The following GALNT17 variants were observed in gnomAD, a reference collection of about 807,000 sequenced individuals.
The protein encoded by GALNT17 is polypeptide N-acetylgalactosaminyltransferase 17, also known as UDP-GalNAc:polypeptide N-acetylgalactosaminyltransferase-like 3.
A neutral mutation model predicts 63.7 loss-of-function variants in GALNT17; 29 were observed. The ratio of observed to expected loss-of-function variants is 0.46; its 90% CI spans 0.34 to 0.62. GALNT17 has a LOEUF of 0.62. Ranked by LOEUF, GALNT17 falls within the 20% of genes least tolerant of loss-of-function variation. GALNT17 has a pLI of 0.01. For synonymous variants in GALNT17, 305 were observed against 318.3 expected (o/e 0.96, Z 0.45); for missense variants, 603 against 799.6 (o/e 0.75, Z 2.97).
At chr7:71,532,031 A>G (rs925328258) in intron 5 of GALNT17, among the ~76,000 whole-genome samples, 9 of 152,184 alleles carry the variant, frequency 5.9e-5, no homozygotes, top group Non-Finnish European at 1.0e-4. Context: ...TGCTCAGTGC[A>G]TGGGGAAGCC....
At chr7:71,409,897 G>A (rs1455281651) in intron 3 of GALNT17, among the ~76,000 whole-genome samples, 1 of 152,150 alleles carries the variant, frequency 6.6e-6, no homozygotes, top group Admixed American at 6.5e-5. Flanking sequence ...GAGAATCAAG[G>A]TCATTCATTG....
At chr7:71,274,530 A>C (rs73370031) in intron 1 of GALNT17, among the ~76,000 whole-genome samples, 9,069 of 152,180 alleles carry the variant, frequency 0.06, 927 homozygotes, top group African/African-American at 0.21. Flanking sequence ...TCCTTCTTCC[A>C]CGGCCTCCAA....
At chr7:71,512,601 G>A (rs1416985684) in intron 5 of GALNT17, among the ~76,000 whole-genome samples, 1 of 152,168 alleles carries the variant, frequency 6.6e-6, no homozygotes, top group Non-Finnish European at 1.5e-5. Context: ...CTGCTCTGAT[G>A]CCCCTTCAGA....
chr7:71,335,652 C>T lies in GALNT17; in HGVS notation c.341C>T (p.Pro114Leu). Residue 114 changes from proline to leucine, a missense_variant, in exon 2 of 11, where the codon CCC (proline) becomes CTC (leucine). This residue lies in a region of GALNT17 where 195 missense variants were observed against 215.0 expected (regional missense o/e 0.91). Coordinates refer to ENST00000333538, the MANE Select transcript of GALNT17 (RefSeq NM_022479.3). Reference protein sequence around the residue: ...SPAEEEKAKGPHEKYGYNSYL... With the variant: ...SPAEEEKAKGLHEKYGYNSYL... Reference sequence around the variant, plus strand: ...GCTGAAGAAGAAAAGGCTAAGGGACCCCATGAGAAGTATGGCTACAATTCA... The same window carrying T: ...GCTGAAGAAGAAAAGGCTAAGGGACTCCATGAGAAGTATGGCTACAATTCA... 1 of 1,613,554 alleles carries T rather than the reference C, an allele frequency of 6.2e-7. No individual in the cohort carries two copies.
chr7:71,645,195 A>G (rs911640976), intron 6 of GALNT17, among the ~76,000 whole-genome samples: 8 of 152,208 alleles, frequency 5.3e-5, no homozygotes, highest in Admixed American at 2.0e-4. Context: ...GCTGACACCA[A>G]CTTTCTCCAG....
chr7:71,264,806 A>G (rs1041758141), intron 1 of GALNT17, among the ~76,000 whole-genome samples: 1 of 151,986 alleles, frequency 6.6e-6, no homozygotes, highest in East Asian at 1.9e-4. Flanking sequence ...GAGTGAAGCG[A>G]TAGATACCAG....
chr7:71,381,986 T>G (rs951752761), intron 2 of GALNT17, among the ~76,000 whole-genome samples: 4 of 152,032 alleles, frequency 2.6e-5, no homozygotes, highest in African/African-American at 9.7e-5. Context: ...ACAGGAGAAC[T>G]GTGGGGTTGG....
At chr7:71,224,192 C>T (rs1490994435) in intron 1 of GALNT17, among the ~76,000 whole-genome samples, 1 of 152,086 alleles carries the variant, frequency 6.6e-6, no homozygotes, top group Non-Finnish European at 1.5e-5. Context: ...GTAGGGTAGT[C>T]ATATGCCACC....
At chr7:71,372,766 A>C (rs952911073) in intron 2 of GALNT17, among the ~76,000 whole-genome samples, 6 of 152,208 alleles carry the variant, frequency 3.9e-5, no homozygotes, top group Admixed American at 2.0e-4. Context: ...TAATTATATT[A>C]GCTTTATATT....
chr7:71,501,915 C>G (rs968041909), intron 5 of GALNT17, among the ~76,000 whole-genome samples: 1 of 151,888 alleles, frequency 6.6e-6, no homozygotes, highest in Non-Finnish European at 1.5e-5. Flanking sequence ...GATTACCATC[C>G]TCCCCTTCTT....
chr7:71,699,655 T>C (rs922725975), intron 9 of GALNT17, among the ~76,000 whole-genome samples: 4 of 152,108 alleles, frequency 2.6e-5, no homozygotes, highest in African/African-American at 9.7e-5. Flanking sequence ...GAATGCGGCC[T>C]GGACACAGTG....
chr7:71,259,578 G>A (rs894468191), intron 1 of GALNT17, among the ~76,000 whole-genome samples: 1 of 151,674 alleles, frequency 6.6e-6, no homozygotes, highest in African/African-American at 2.4e-5. Context: ...GGGGACATAA[G>A]CCAATGGAAG....
chr7:71,325,770 G>T (rs1011936876), intron 1 of GALNT17, among the ~76,000 whole-genome samples: 1 of 152,280 alleles, frequency 6.6e-6, no homozygotes, highest in South Asian at 2.1e-4. Context: ...TCTGGGTTCT[G>T]TGTGAGATGG....
chr7:71,654,679 GTGGTGAAATCT>G lies in GALNT17; in HGVS notation c.1081-10730_1081-10720del, dbSNP rs1177019104. Among the ~76,000 whole-genome samples the G allele has an allele frequency of 8.4e-5, 9 of 107,134 alleles. No individual in the cohort carries two copies. The South Asian group carries it at 2.8e-3, about 33-fold the overall frequency. The allele number at this position is 107,134 out of a possible 152,430, so 70.3% of individuals were successfully genotyped here. ...TGTTTCACTGTTACGTTAAGAGACA[GTGGTGAAATCT>G]TTAACTTCAGGTATCTATGTGCCTA... On this transcript the variant is annotated intron_variant, in intron 6 of 10. Coordinates refer to ENST00000333538, the MANE Select transcript of GALNT17 (RefSeq NM_022479.3).
intron 9 of GALNT17, among the ~76,000 whole-genome samples, chr7:71,681,164 G>A (rs1791255928): frequency 6.6e-6 from 1 of 152,204 alleles, no homozygotes; most frequent in South Asian, 2.1e-4. Context: ...GCCTCCCAGA[G>A]TGCTGGGATT....
chr7:71,568,048 T>G (rs1200898699), intron 5 of GALNT17, among the ~76,000 whole-genome samples: 1 of 152,176 alleles, frequency 6.6e-6, no homozygotes, highest in African/African-American at 2.4e-5. Flanking sequence ...CCTAATAGCT[T>G]CCTGGTGGCC....
At chr7:71,354,170 T>C (rs1268959687) in intron 2 of GALNT17, among the ~76,000 whole-genome samples, 2 of 152,140 alleles carry the variant, frequency 1.3e-5, no homozygotes, top group African/African-American at 4.8e-5. Flanking sequence ...GAATTACAAT[T>C]CAACATGAAA....
Position 71,335,586 on chromosome 7 carries a change from G to A in GALNT17, c.275G>A (p.Gly92Asp), listed in dbSNP as rs757474353. 27 of 1,610,142 alleles carry A rather than the reference G, an allele frequency of 1.7e-5. No homozygotes were observed. Among genetic ancestry groups the A allele is most frequent in the Non-Finnish European group, 2.2e-5 (26 of 1,178,370 alleles). The change falls in exon 2 of 11, where the codon GGT becomes GAT. Residue 92 changes from glycine to aspartate, a missense_variant. This residue lies in a region of GALNT17 where 195 missense variants were observed against 215.0 expected (regional missense o/e 0.91). Transcript: ENST00000333538. ...SKSLGLIEGY[G>D]GRGKGGLPAT... Reference sequence around the variant, plus strand: ...TCCCTTGGGCTCATTGAAGGTTATGGTGGGCGGGGTAAAGGGGGCCTTCCG... The same window carrying A: ...TCCCTTGGGCTCATTGAAGGTTATGATGGGCGGGGTAAAGGGGGCCTTCCG...
At chr7:71,316,404 C>T (rs988694418) in intron 1 of GALNT17, among the ~76,000 whole-genome samples, 1 of 152,148 alleles carries the variant, frequency 6.6e-6, no homozygotes, top group Non-Finnish European at 1.5e-5. Context: ...TATCTTCTCA[C>T]GCCTGCCTCA....
Sources: allele counts gnomAD v4.1 joint callset (sites outside exome capture counted in the v4.1 genomes callset), GRCh38; gene constraint gnomAD v4.1.1; regional missense constraint gnomAD v4.1.1; transcripts MANE v1.5; gene names NCBI Gene and HGNC (gene_info 2026-07-23, HGNC 2026-07-21).